CNTNAP5: variants seen among roughly 807,000 people sequenced by gnomAD.
CNTNAP5 encodes the protein contactin associated protein family member 5.
CNTNAP5 carries 72 observed loss-of-function variants against 150.2 expected under a neutral mutation model. That is an observed-to-expected ratio of 0.48 (90% CI 0.40 to 0.58). The LOEUF is 0.58. Ranked by LOEUF, CNTNAP5 falls within the 20% of genes least tolerant of loss-of-function variation. The pLI, the probability that CNTNAP5 is intolerant of heterozygous loss-of-function variation, is 0.00. For missense variants in CNTNAP5, 1,636 were observed against 1,626.2 expected (o/e 1.01, Z -0.10); for synonymous variants, 672 against 619.8 (o/e 1.08, Z -1.25).
chr2:124,162,850 A>C (rs918504897), intron 1 of CNTNAP5, among the ~76,000 whole-genome samples: 2 of 152,106 alleles, frequency 1.3e-5, no homozygotes, highest in African/African-American at 4.8e-5. Context: ...TTTTTTATGC[A>C]TGCCACCATG....
intron 19 of CNTNAP5, among the ~76,000 whole-genome samples, chr2:124,849,047 A>G (rs1457409005): frequency 6.6e-6 from 1 of 152,134 alleles, no homozygotes; most frequent in Non-Finnish European, 1.5e-5. Context: ...GGTGTCATAT[A>G]AAGAACAAAT....
At chr2:124,601,889 G>T (rs972257664) in intron 11 of CNTNAP5, among the ~76,000 whole-genome samples, 2 of 152,162 alleles carry the variant, frequency 1.3e-5, no homozygotes, top group African/African-American at 4.8e-5. Flanking sequence ...ATTATTTTTA[G>T]TGAAAAAGGC....
At chr2:124,173,927 G>C (rs1256016236) in intron 1 of CNTNAP5, among the ~76,000 whole-genome samples, 1 of 152,000 alleles carries the variant, frequency 6.6e-6, no homozygotes, top group African/African-American at 2.4e-5. Context: ...TCATGCCTCT[G>C]GTGTCTTAAC....
intron 13 of CNTNAP5, among the ~76,000 whole-genome samples, chr2:124,701,949 T>C (rs2105090841): frequency 6.6e-6 from 1 of 152,162 alleles, no homozygotes; most frequent in African/African-American, 2.4e-5. Flanking sequence ...TACTGGAAAA[T>C]TTTCAAATAT....
chr2:124,728,141 C>A (rs547726277), intron 13 of CNTNAP5, among the ~76,000 whole-genome samples: 2 of 152,118 alleles, frequency 1.3e-5, no homozygotes, highest in South Asian at 4.1e-4. Context: ...CCTTTTATCT[C>A]ACTTGATCAT....
chr2:124,546,510 G>A (rs1376524581), intron 10 of CNTNAP5, among the ~76,000 whole-genome samples: 2 of 152,144 alleles, frequency 1.3e-5, no homozygotes, highest in Admixed American at 6.5e-5. Flanking sequence ...CACATAAGGA[G>A]CTTTTGGAAA....
Position 124,092,591 on chromosome 2 carries a change from G to A in CNTNAP5, c.82+66859G>A, listed in dbSNP as rs968881597. On this transcript the variant is annotated intron_variant, in intron 1 of 23. Transcript: ENST00000682447. ...CCAAGTCTAGAGAGTGGTGGAGCTGGGCTAGACCTCAAGTTTCCTCAACAT... is the reference window on the plus strand; with the variant it reads ...CCAAGTCTAGAGAGTGGTGGAGCTGAGCTAGACCTCAAGTTTCCTCAACAT... Among the ~76,000 whole-genome samples the A allele has an allele frequency of 6.6e-5, 10 of 152,150 alleles. No homozygotes were observed. The East Asian group carries it at 1.9e-3, about 29-fold the overall frequency.
At chr2:124,530,685 T>A (rs182130938) in intron 10 of CNTNAP5, among the ~76,000 whole-genome samples, 1 of 152,236 alleles carries the variant, frequency 6.6e-6, no homozygotes, top group African/African-American at 2.4e-5. Flanking sequence ...TGCCTGGCAG[T>A]CCATGGGCAG....
At chr2:124,496,094 C>T (rs1427190140) in intron 7 of CNTNAP5, among the ~76,000 whole-genome samples, 1 of 152,092 alleles carries the variant, frequency 6.6e-6, no homozygotes, top group Non-Finnish European at 1.5e-5. Context: ...TCATGAGAAT[C>T]AAGGTGGCCC....
intron 7 of CNTNAP5, among the ~76,000 whole-genome samples, chr2:124,478,329 T>C (rs1469342261): frequency 1.3e-5 from 2 of 152,154 alleles, no homozygotes; most frequent in Admixed American, 6.6e-5. Flanking sequence ...GTATTGTTAA[T>C]ATGAGGCATA....
intron 3 of CNTNAP5, among the ~76,000 whole-genome samples, chr2:124,412,882 G>A (rs1208355353): frequency 9.6e-6 from 1 of 104,216 alleles, no homozygotes; most frequent in Non-Finnish European, 1.9e-5. Context: ...TGACAAATGG[G>A]ATCTAATTAA....
At chr2:124,054,540 C>G (rs1681794205) in intron 1 of CNTNAP5, among the ~76,000 whole-genome samples, 1 of 151,816 alleles carries the variant, frequency 6.6e-6, no homozygotes, top group African/African-American at 2.4e-5. Context: ...TGAAAGTTGC[C>G]CGAGGCAAGA....
chr2:124,647,413 G>T (rs565288362), intron 12 of CNTNAP5, among the ~76,000 whole-genome samples: 1 of 152,294 alleles, frequency 6.6e-6, no homozygotes, highest in African/African-American at 2.4e-5. Flanking sequence ...GTGGGATATT[G>T]GGTGAGTTGC....
At chr2:124,877,999 T>C (rs944826427) in intron 21 of CNTNAP5, among the ~76,000 whole-genome samples, 1 of 152,132 alleles carries the variant, frequency 6.6e-6, no homozygotes, top group African/African-American at 2.4e-5. Flanking sequence ...TCACAGAGGT[T>C]CAGTGACTTT....
intron 2 of CNTNAP5, among the ~76,000 whole-genome samples, chr2:124,240,865 G>A (rs1686868205): frequency 6.6e-6 from 1 of 152,106 alleles, no homozygotes; most frequent in Non-Finnish European, 1.5e-5. Context: ...TCTGCAGGAG[G>A]AGCTGGGGCT....
chr2:124,290,604 G>A (rs993432819), intron 3 of CNTNAP5, among the ~76,000 whole-genome samples: 1 of 152,120 alleles, frequency 6.6e-6, no homozygotes, highest in African/African-American at 2.4e-5. Flanking sequence ...TGCTCTCACC[G>A]AACAGAATAG....
chr2:124,245,643 G>T lies in CNTNAP5; in HGVS notation c.381+3250G>T, dbSNP rs565865580. On this transcript the variant is annotated intron_variant, in intron 3 of 23. Coordinates refer to ENST00000682447, the MANE Select transcript of CNTNAP5 (RefSeq NM_001367498.1). ...TGTGTGTATATATATGTGTGTGTTT[G>T]TGTGTATGTATATATATACACACAA... is the stretch of plus-strand genomic sequence containing the variant. Among the ~76,000 whole-genome samples, 6 of 148,834 alleles carry T rather than the reference G, an allele frequency of 4.0e-5. No homozygotes were observed. In the East Asian group the frequency reaches 1.2e-3, roughly 29 times the overall value.
chr2:124,290,338 C>T (rs1688253929), intron 3 of CNTNAP5, among the ~76,000 whole-genome samples: 1 of 152,194 alleles, frequency 6.6e-6, no homozygotes, highest in African/African-American at 2.4e-5. Flanking sequence ...TTATTTTCCA[C>T]CTTCATCTGC....
At chr2:124,366,599 A>G (rs1690377310) in intron 3 of CNTNAP5, among the ~76,000 whole-genome samples, 1 of 152,130 alleles carries the variant, frequency 6.6e-6, no homozygotes, top group Non-Finnish European at 1.5e-5. Flanking sequence ...ACTTTCTTTA[A>G]AGAGAAGCAG....
Sources: gnomAD v4.1 joint callset for allele counts (sites outside exome capture counted in the v4.1 genomes callset) on GRCh38, gnomAD v4.1.1 for gene constraint, MANE v1.5 for transcripts, NCBI Gene and HGNC (gene_info 2026-07-23, HGNC 2026-07-21) for gene names.